SECISBP2L: variants seen among roughly 807,000 people sequenced by gnomAD.
SECISBP2L encodes the protein selenocysteine insertion sequence-binding protein 2-like.
In SECISBP2L, 43 loss-of-function variants were observed where a neutral mutation model predicts 114.7. That is an observed-to-expected ratio of 0.38 (90% confidence interval 0.29 to 0.48). The LOEUF is 0.48. SECISBP2L is among the 20% of genes least tolerant of loss of function. SECISBP2L has a pLI of 0.98. For synonymous variants in SECISBP2L, 451 were observed against 439.7 expected (o/e 1.03, Z -0.32); for missense variants, 1,136 against 1,301.1 (o/e 0.87, Z 1.95).
chr15:49,011,133 CA>C (rs1902429601), intron 13 of SECISBP2L, among the ~76,000 whole-genome samples: 1 of 152,074 alleles, frequency 6.6e-6, no homozygotes, highest in Non-Finnish European at 1.5e-5. Context: ...AAATGTGTTG[CA>C]AAAAGTTGGG....
chr15:49,021,977 T>G (rs1304133721), intron 7 of SECISBP2L, among the ~76,000 whole-genome samples: 1 of 152,052 alleles, frequency 6.6e-6, no homozygotes, highest in Non-Finnish European at 1.5e-5. Flanking sequence ...CTTAAATGAG[T>G]AGCACAAAAT....
intron 2 of SECISBP2L, chr15:49,037,374 T>G: frequency 2.7e-6 from 1 of 372,178 alleles, no homozygotes. Flanking sequence ...TTTCAATGAC[T>G]TACTGAAGGA....
At chr15:49,016,258 A>G (rs935018751) in intron 11 of SECISBP2L, among the ~76,000 whole-genome samples, 2 of 152,140 alleles carry the variant, frequency 1.3e-5, no homozygotes, top group Admixed American at 6.6e-5. Context: ...CTAGTATGAT[A>G]CAATAATGGG....
chr15:49,017,660 T>G (rs760704017), intron 8 of SECISBP2L, 32 bp from the exon 9 acceptor site: 1 of 1,508,694 alleles, frequency 6.6e-7, no homozygotes, highest in Admixed American at 1.9e-5. Context: ...GTAAAAAGAG[T>G]TCAAGGCAAA....
chr15:49,041,988 A>C (rs1326534771), intron 1 of SECISBP2L, among the ~76,000 whole-genome samples: 2 of 152,192 alleles, frequency 1.3e-5, no homozygotes, highest in African/African-American at 4.8e-5. Flanking sequence ...AGACAAATCA[A>C]AGTATTTAAC....
intron 11 of SECISBP2L, among the ~76,000 whole-genome samples, chr15:49,016,183 C>A (rs1902532057): frequency 6.6e-6 from 1 of 152,134 alleles, no homozygotes; most frequent in South Asian, 2.1e-4. Context: ...AAAGGTCACT[C>A]CTTTTAACGC....
chr15:49,011,900 C>T, intron 12 of SECISBP2L, 37 bp from the exon 13 acceptor site: 1 of 1,600,530 alleles, frequency 6.2e-7, no homozygotes, highest in Non-Finnish European at 8.6e-7. Flanking sequence ...TTACAGATTA[C>T]TCTTCAACTG....
At chr15:49,015,389 G>A (rs1902516072) in intron 11 of SECISBP2L, among the ~76,000 whole-genome samples, 1 of 151,646 alleles carries the variant, frequency 6.6e-6, no homozygotes, top group African/African-American at 2.4e-5. Flanking sequence ...AATAACTATT[G>A]TAATAACAGA....
intron 16 of SECISBP2L, 33 bp downstream of exon 16, chr15:48,999,800 G>C: frequency 6.3e-7 from 1 of 1,598,426 alleles, no homozygotes; most frequent in Non-Finnish European, 8.6e-7. Flanking sequence ...GGATGTGCTG[G>C]AGAGCAAGAG....
At chr15:49,035,168 C>T (rs538223836) in intron 3 of SECISBP2L, among the ~76,000 whole-genome samples, 166 bp downstream of exon 3, 1 of 152,172 alleles carries the variant, frequency 6.6e-6, no homozygotes, top group African/African-American at 2.4e-5. Context: ...ACAAACAACA[C>T]AAAGAAAATT....
chr15:49,025,541 C>T (rs768704992), intron 7 of SECISBP2L, among the ~76,000 whole-genome samples: 4 of 152,070 alleles, frequency 2.6e-5, no homozygotes, highest in Non-Finnish European at 4.4e-5. Context: ...CTTGTGGTAT[C>T]ATGGCACTAA....
chr15:49,014,991 C>T (rs1902508676), intron 11 of SECISBP2L, among the ~76,000 whole-genome samples: 1 of 151,878 alleles, frequency 6.6e-6, no homozygotes, highest in Admixed American at 6.6e-5. Flanking sequence ...CACAGGTTAA[C>T]AATCTCGTCT....
At chr15:49,008,950 T>C (rs1263061416) in intron 14 of SECISBP2L, among the ~76,000 whole-genome samples, 1 of 152,132 alleles carries the variant, frequency 6.6e-6, no homozygotes, top group Non-Finnish European at 1.5e-5. Flanking sequence ...ATATAAGATA[T>C]TAAGAGTCTA....
Position 49,028,660 on chromosome 15 carries a change from G to C in SECISBP2L, c.687C>G (p.Asn229Lys), listed in dbSNP as rs748421650. The change falls in exon 5 of 18, where the codon AAC becomes AAG. Residue 229 changes from asparagine to lysine, a missense_variant. Physicochemically the swap from Asn to Lys is moderately conservative, Grantham distance 94. Coordinates refer to ENST00000559471, the MANE Select transcript of SECISBP2L (RefSeq NM_001193489.2). ...TTGCAGTGGTCTCTGAGAGAGACTT[G>C]TTAGCGATATCTGATGGGAAATCTA... Reference protein sequence around the residue: ...QQTDFPSDIANKSLSETTATM... With the variant: ...QQTDFPSDIAKKSLSETTATM... The C allele has an allele frequency of 1.2e-6, 2 of 1,614,056 alleles. No homozygotes were observed. Among genetic ancestry groups the C allele is most frequent in the Non-Finnish European group, 1.7e-6 (2 of 1,179,958 alleles).
intron 1 of SECISBP2L, among the ~76,000 whole-genome samples, chr15:49,038,240 G>A (rs1365830522): frequency 6.6e-6 from 1 of 151,826 alleles, no homozygotes; most frequent in African/African-American, 2.4e-5. Flanking sequence ...ATCATTAAAA[G>A]AAAAAATGTC....
Position 49,016,567 on chromosome 15 carries a change from T to C in SECISBP2L, c.1554A>G (p.Ser518=), listed in dbSNP as rs200320263. ...TCAGACTAATGATATCACCTGTATA[T>C]GACAGAGGTCTGGTGTTAGTAATTT... ...ARQITNTRPL[S]YTVVTAASFH... Residue 518 remains serine, a synonymous_variant, in exon 11 of 18, where the codon TCA becomes TCG. Transcript: ENST00000559471. 1,621 of 1,608,204 alleles carry C rather than the reference T, an allele frequency of 1.0e-3. 30 individuals carry two copies. The South Asian group carries it at 0.017, about 16-fold the overall frequency.
chr15:49,035,868 A>G (rs1163556209), intron 2 of SECISBP2L, among the ~76,000 whole-genome samples: 4 of 152,196 alleles, frequency 2.6e-5, no homozygotes, highest in Non-Finnish European at 5.9e-5. Flanking sequence ...ACAACAGTAT[A>G]AACGAACCCA....
rs184663509 is a variant in SECISBP2L, at chr15:49,019,593, T to A, written c.1036-41A>T. 543 of 1,394,518 alleles carry A rather than the reference T, an allele frequency of 3.9e-4. 1 individual carries two copies. In the African/African-American group the frequency reaches 7.1e-3, roughly 18 times the overall value. The allele number at this position is 1,394,518 out of a possible 1,614,324, so 86.4% of individuals were successfully genotyped here. ...AGGGGAAAAAAAATCTAATTATTTT[T>A]AAATAAATGTTTCACTCAAATATAT... On this transcript the variant is annotated intron_variant, in intron 7 of 17. Transcript: ENST00000559471.
intron 7 of SECISBP2L, among the ~76,000 whole-genome samples, chr15:49,026,037 T>C (rs1437744452): frequency 6.6e-6 from 1 of 152,170 alleles, no homozygotes; most frequent in Non-Finnish European, 1.5e-5. Context: ...GGGAATACTA[T>C]TCAGCCATAA....
Sources: allele counts gnomAD v4.1 joint callset (sites outside exome capture counted in the v4.1 genomes callset), GRCh38; gene constraint gnomAD v4.1.1; transcripts MANE v1.5; gene names NCBI Gene and HGNC (gene_info 2026-07-23, HGNC 2026-07-21).